Variants in COL6A6 observed in about 807,000 individuals in gnomAD.
COL6A6 encodes the protein collagen type VI alpha 6 chain, also known as collagen alpha-6(VI) chain.
COL6A6 carries 183 observed loss-of-function variants against 208.6 expected under a neutral mutation model. The ratio of observed to expected loss-of-function variants is 0.88; its 90% confidence interval spans 0.78 to 0.99. The LOEUF (loss-of-function observed/expected upper bound fraction) is 0.99. Ranked by LOEUF, COL6A6 falls within the 50% of genes least tolerant of loss-of-function variation. The pLI is 0.00. For synonymous variants in COL6A6, 973 were observed against 1,011.8 expected, an observed-to-expected ratio of 0.96 and a Z score of 0.73; for missense variants, 2,816 against 2,815.2, an observed-to-expected ratio of 1.00 and a Z score of -0.01.
chr3:130,641,780 A>G, intron 29 of COL6A6, 66 bp downstream of exon 29: 1 of 940,294 alleles, frequency 1.1e-6, no homozygotes, highest in South Asian at 1.7e-5. Flanking sequence ...TCAGTGCATG[A>G]AATCTTCATT....
chr3:130,584,058 AC>A, intron 10 of COL6A6, among the ~76,000 whole-genome samples: 1 of 152,162 alleles, frequency 6.6e-6, no homozygotes, highest in Non-Finnish European at 1.5e-5. Flanking sequence ...AGAATTGAAT[AC>A]CCTAGAATCT....
intron 22 of COL6A6, 142 bp from the exon 23 acceptor site, chr3:130,610,507 G>A: frequency 2.9e-6 from 2 of 678,046 alleles, no homozygotes; most frequent in Non-Finnish European, 5.1e-6. Flanking sequence ...CCACAGGCCA[G>A]GATGGAAGGA....
chr3:130,664,961 C>A, intron 35 of COL6A6, 42 bp from the exon 36 acceptor site: 1 of 1,276,240 alleles, frequency 7.8e-7, no homozygotes, highest in Non-Finnish European at 1.1e-6. Flanking sequence ...GTAATGTTAA[C>A]AGTCATGAAT....
In COL6A6 at chr3:130,675,597, C is replaced by A; in HGVS notation, c.*200C>A. On this transcript the variant is annotated 3_prime_UTR_variant, in exon 37 of 37. Transcript: ENST00000358511. ...TTCCAGCACTCTACGACTGATATGT[C>A]GAAGAACTGTTTCATTAGAAGACAG... The A allele has an allele frequency of 4.6e-6, 2 of 431,408 alleles. No individual in the cohort carries two copies. The highest frequency in any genetic ancestry group is 8.2e-6 in the Non-Finnish European group (2 of 243,458). The allele number at this position is 431,408 out of a possible 1,614,324, so 26.7% of individuals were successfully genotyped here.
At chr3:130,542,280 TCTA>T (rs1324931371) in intron 1 of COL6A6, among the ~76,000 whole-genome samples, 1 of 152,206 alleles carries the variant, frequency 6.6e-6, no homozygotes, top group Non-Finnish European at 1.5e-5. Flanking sequence ...GTTTTTTTCT[TCTA>T]CTCATTTTAT....
chr3:130,654,814 C>T (rs924285327), intron 33 of COL6A6, among the ~76,000 whole-genome samples: 1 of 152,130 alleles, frequency 6.6e-6, no homozygotes, highest in Admixed American at 6.5e-5. Context: ...AATCAGTCTC[C>T]CTGAGAATTT....
intron 23 of COL6A6, 49 bp downstream of exon 23, chr3:130,610,760 A>G (rs749427657): frequency 3.6e-6 from 5 of 1,372,742 alleles, no homozygotes; most frequent in South Asian, 1.3e-5. Flanking sequence ...TTGGCTTGAT[A>G]TGTCTTTGTG....
intron 28 of COL6A6, among the ~76,000 whole-genome samples, chr3:130,640,631 A>T (rs2065280472): frequency 6.6e-6 from 1 of 152,172 alleles, no homozygotes; most frequent in Admixed American, 6.5e-5. Context: ...AAATGTTGTA[A>T]ATCCTGTGGC....
At chr3:130,541,069 G>A (rs1178218734) in intron 1 of COL6A6, among the ~76,000 whole-genome samples, 9 of 152,140 alleles carry the variant, frequency 5.9e-5, no homozygotes, top group African/African-American at 1.2e-4. Context: ...GTAGGTCTTT[G>A]AGGAATCCAA....
Position 130,592,581 on chromosome 3 carries a change from C to T in COL6A6, c.4313C>T (p.Thr1438Ile). 1.2e-6 allele frequency: 2 copies of T among 1,612,580 alleles called. No homozygotes were observed. The highest frequency in any genetic ancestry group is 2.2e-5 in the South Asian group (2 of 90,906). ...GAPGPVGEQG[T>I]KGCYGTKGPK... ...CCTGGACCAGTGGGAGAGCAAGGTA[C>T]TAAGGGATGCTATGGCACCAAAGGT... Residue 1438 changes from threonine to isoleucine, a missense_variant, in exon 14 of 37, where the codon ACT becomes ATT. By Grantham distance (89) the Thr-to-Ile change is moderately conservative (BLOSUM62 -1). Transcript: ENST00000358511.
chr3:130,664,857 T>C (rs149376853), intron 35 of COL6A6, 146 bp from the exon 36 acceptor site: 2 of 592,950 alleles, frequency 3.4e-6, no homozygotes, highest in African/African-American at 2.0e-5. Context: ...CCCTGAGAAA[T>C]CTGCTTTCAT....
In COL6A6 at chr3:130,595,013, A is replaced by G. The variant is rs541647444; in HGVS notation, c.4533+670A>G. On this transcript the variant is annotated intron_variant, in intron 18 of 36. Transcript: ENST00000358511. ...GGATTATTACAATTCAAGATGAGAT[A>G]TGGGAGGAGACACAGCCAAACCACT... Among the ~76,000 whole-genome samples, 169 of 152,248 alleles carry G rather than the reference A, an allele frequency of 1.1e-3. 1 individual carries two copies. Among genetic ancestry groups the G allele is most frequent in the East Asian group, 5.8e-4 (3 of 5,178 alleles).
rs114242302 is a variant in COL6A6 at position 130,598,671 on chromosome 3, G to A, written c.4599+241G>A. Reference sequence around the variant, plus strand: ...ACTTGATTCACCAAGACACATCCTCGAGGTCTTCATGAATATAAACATTGG... The same window carrying A: ...ACTTGATTCACCAAGACACATCCTCAAGGTCTTCATGAATATAAACATTGG... On this transcript the variant is annotated intron_variant, in intron 19 of 36. Transcript: ENST00000358511. 9.5e-3 allele frequency among the ~76,000 whole-genome samples: 1,439 copies of A among 152,188 alleles called. 32 individuals carry two copies. Among genetic ancestry groups the A allele is most frequent in the African/African-American group, 0.032 (1,348 of 41,508 alleles).
At position 130,586,335 on chromosome 3, in the gene COL6A6, A is replaced by G. The variant is rs556945515; in HGVS notation, c.3971-171A>G. Reference sequence around the variant, plus strand: ...AAAACATAATTCCTTTTGTACTCTTATTATAGTCTTGTCACTTGTCAGGTT... The same window carrying G: ...AAAACATAATTCCTTTTGTACTCTTGTTATAGTCTTGTCACTTGTCAGGTT... On this transcript the variant is annotated intron_variant, in intron 10 of 36. Coordinates refer to ENST00000358511, the MANE Select transcript of COL6A6 (RefSeq NM_001102608.3). Among the ~76,000 whole-genome samples, 5 of 152,286 alleles carry G rather than the reference A, an allele frequency of 3.3e-5. No homozygotes were observed. In the East Asian group the frequency reaches 5.8e-4, roughly 18 times the overall value.
chr3:130,547,613 T>C (rs918094161), intron 1 of COL6A6, among the ~76,000 whole-genome samples: 2 of 151,990 alleles, frequency 1.3e-5, no homozygotes, highest in African/African-American at 4.8e-5. Context: ...TGTTGTCACC[T>C]CTCAATGTGT....
At chr3:130,552,803 T>C (rs2062675049) in intron 1 of COL6A6, among the ~76,000 whole-genome samples, 1 of 92,206 alleles carries the variant, frequency 1.1e-5, no homozygotes, top group Admixed American at 1.2e-4. Flanking sequence ...CCTTTCTATA[T>C]GTAGCAGTCT....
chr3:130,607,641 A>G (rs1237490274), intron 21 of COL6A6, among the ~76,000 whole-genome samples: 1 of 152,224 alleles, frequency 6.6e-6, no homozygotes, highest in Non-Finnish European at 1.5e-5. Context: ...AGAATGAAAA[A>G]TTAGATTGCA....
At chr3:130,638,063 A>T (rs1405618917) in intron 28 of COL6A6, among the ~76,000 whole-genome samples, 2 of 151,924 alleles carry the variant, frequency 1.3e-5, no homozygotes, top group African/African-American at 2.4e-5. Context: ...TGTCCCAGGG[A>T]AAAAAAGGAG....
At chr3:130,553,656 C>A (rs2062699047) in intron 1 of COL6A6, among the ~76,000 whole-genome samples, 1 of 151,026 alleles carries the variant, frequency 6.6e-6, no homozygotes, top group Non-Finnish European at 1.5e-5. Context: ...TCTGCCATTT[C>A]AGCCAGTTTC....
Sources: allele counts gnomAD v4.1 joint callset (sites outside exome capture counted in the v4.1 genomes callset), GRCh38; gene constraint gnomAD v4.1.1; transcripts MANE v1.5; gene names NCBI Gene and HGNC (gene_info 2026-07-23, HGNC 2026-07-21).